Variants in EIF4E2 observed in about 807,000 individuals in gnomAD.
EIF4E2 encodes the protein eukaryotic translation initiation factor 4E family member 2.
Under a neutral mutation model 34.2 loss-of-function variants are expected in EIF4E2, and 13 were observed. That is an observed-to-expected ratio of 0.38 (90% CI 0.25 to 0.60). The LOEUF (loss-of-function observed/expected upper bound fraction) is 0.60, where lower values mean the gene tolerates loss of function less well. Among genes scored for constraint, EIF4E2 ranks in the 20% least tolerant of loss-of-function variants. The pLI, the probability that EIF4E2 is intolerant of heterozygous loss-of-function variation, is 0.62. For missense variants in EIF4E2, 222 were observed against 315.1 expected (o/e 0.70, Z 2.24); for synonymous variants, 100 against 106.6 (o/e 0.94, Z 0.38).
chr2:232,564,882 T>C lies in EIF4E2; in HGVS notation c.375+531T>C, dbSNP rs561892832. On this transcript the variant is annotated intron_variant, in intron 4 of 6. Transcript: ENST00000258416. ...TTGGTGCTGGGTGTTTTTTAAAGAC[T>C]GTTTTATGACTAAAATGGTATTAGA... 2.6e-5 allele frequency among the ~76,000 whole-genome samples: 4 copies of C among 152,254 alleles called. No individual in the cohort carries two copies. In the South Asian group the frequency reaches 6.2e-4, roughly 24 times the overall value.
At chr2:232,573,775 A>G (rs918374077), downstream of EIF4E2, 4 of 288,486 alleles carry the variant, frequency 1.4e-5, no homozygotes, top group African/African-American at 2.2e-5. Flanking sequence ...GAAAACAGAG[A>G]AAGTGTATAC....
chr2:232,555,133 G>A (rs3791723), intron 1 of EIF4E2, among the ~76,000 whole-genome samples: 5,074 of 152,240 alleles, frequency 0.033, 160 homozygotes, highest in African/African-American at 0.074. Context: ...AGGCACTGGG[G>A]ATTCGTGGGC....
intron 1 of EIF4E2, among the ~76,000 whole-genome samples, chr2:232,554,584 A>G (rs968459561): frequency 2.0e-5 from 3 of 152,170 alleles, no homozygotes; most frequent in African/African-American, 7.2e-5. Flanking sequence ...AGGAAACCAA[A>G]TGTTTAATAA....
intron 6 of EIF4E2, among the ~76,000 whole-genome samples, chr2:232,579,975 A>G (rs1270449125): frequency 6.6e-6 from 1 of 152,080 alleles, no homozygotes; most frequent in Non-Finnish European, 1.5e-5. Context: ...CTAGGATGTC[A>G]TTAGATTTCT....
At chr2:232,568,861 C>G (rs1047866496) in intron 6 of EIF4E2, 84 bp from the exon 7 acceptor site, 30 of 1,587,148 alleles carry the variant, frequency 1.9e-5, no homozygotes, top group Non-Finnish European at 2.5e-5. Context: ...GAAGACCAAC[C>G]CTCTTTGAGA....
chr2:232,561,300 C>T (rs1183838690), intron 3 of EIF4E2, among the ~76,000 whole-genome samples: 1 of 149,664 alleles, frequency 6.7e-6, no homozygotes, highest in Non-Finnish European at 1.5e-5. Context: ...ATTATGCATA[C>T]TTCTTGCATT....
chr2:232,573,106 T>C (rs1270156967), downstream of EIF4E2, among the ~76,000 whole-genome samples: 1 of 152,236 alleles, frequency 6.6e-6, no homozygotes, highest in Non-Finnish European at 1.5e-5. Context: ...ACAGGTGTCT[T>C]GCTGTGGACA....
intron 6 of EIF4E2, among the ~76,000 whole-genome samples, chr2:232,575,774 G>A (rs1693197214): frequency 6.6e-6 from 1 of 152,300 alleles, no homozygotes; most frequent in African/African-American, 2.4e-5. Flanking sequence ...AAGATATTAA[G>A]TTAAATTTTC....
chr2:232,551,061 G>T (rs918843757), intron 1 of EIF4E2: 1 of 629,556 alleles, frequency 1.6e-6, no homozygotes, highest in Non-Finnish European at 3.0e-6. Context: ...GTGGAGGGGT[G>T]GGGACCTCGG....
chr2:232,554,244 A>G (rs1305729213), intron 1 of EIF4E2, among the ~76,000 whole-genome samples: 2 of 152,238 alleles, frequency 1.3e-5, no homozygotes, highest in Non-Finnish European at 2.9e-5. Context: ...TGAGTCCTGT[A>G]GGACAAGTTA....
rs778125062 is a variant in EIF4E2 at position 232,567,191 on chromosome 2, C to T, written c.642C>T (p.Tyr214=). The change falls in exon 6 of 7, where the codon TAC becomes TAT. Residue 214 remains tyrosine (Y), a synonymous_variant. Transcript: ENST00000258416. ...TACCTCCCAACACCATTATGGAATA[C>T]AAAACTCACACCGACAGCATCAAGT... ...LNLPPNTIME[Y]KTHTDSIKMP... 37 of 1,614,064 alleles carry T rather than the reference C, an allele frequency of 2.3e-5. No individual in the cohort carries two copies. The highest frequency in any genetic ancestry group is 3.1e-5 in the Non-Finnish European group (37 of 1,180,054).
intron 2 of EIF4E2, 89 bp from the exon 3 acceptor site, chr2:232,557,795 G>A: frequency 7.1e-7 from 1 of 1,414,426 alleles, no homozygotes; most frequent in Non-Finnish European, 9.7e-7. Flanking sequence ...TAATTGTGGA[G>A]GTGGTAAGGA....
At position 232,581,544 on chromosome 2, in the gene EIF4E2, G is replaced by A. The variant is rs932406995; in HGVS notation, c.*601G>A. The A allele has an allele frequency of 2.2e-5, 4 of 181,848 alleles. No individual in the cohort carries two copies. Among genetic ancestry groups the A allele is most frequent in the African/African-American group, 9.7e-5 (4 of 41,316 alleles). The allele number at this position is 181,848 out of a possible 1,614,324, so 11.3% of individuals were successfully genotyped here. The stretch of plus-strand genomic sequence containing the variant: ...CTTATGCCCTCCGGTCTCCTCTCCT[G>A]TGGGACTCTCTCCTTCTTAGGCACA... On this transcript the variant is annotated 3_prime_UTR_variant, in exon 7 of 7. Transcript: ENST00000409098. The surrounding 1 kb of genome is among the most constrained non-coding windows in gnomAD (Gnocchi z 5.2).
chr2:232,570,683 G>A (rs1362524227), downstream of EIF4E2, among the ~76,000 whole-genome samples: 7 of 152,178 alleles, frequency 4.6e-5, no homozygotes, highest in Non-Finnish European at 1.0e-4. Context: ...GGTGGCTCAC[G>A]CCTGTAATCC....
At chr2:232,562,582 C>T (rs963463173) in intron 3 of EIF4E2, among the ~76,000 whole-genome samples, 7 of 152,174 alleles carry the variant, frequency 4.6e-5, no homozygotes, top group African/African-American at 1.7e-4. Flanking sequence ...AAGAGCGAAA[C>T]TCCATCTCAA....
At chr2:232,579,222 T>C (rs138699673) in intron 6 of EIF4E2, among the ~76,000 whole-genome samples, 12 of 152,266 alleles carry the variant, frequency 7.9e-5, no homozygotes, top group African/African-American at 2.9e-4. Flanking sequence ...TATCCTTTGC[T>C]AGCTACTTGT....
At chr2:232,570,710 C>T (rs928814859), downstream of EIF4E2, among the ~76,000 whole-genome samples, 4 of 152,132 alleles carry the variant, frequency 2.6e-5, no homozygotes, top group African/African-American at 7.2e-5. Flanking sequence ...TTTGGGAGCT[C>T]GAGGTGGGCA....
At chr2:232,564,167 T>C in intron 3 of EIF4E2, 80 bp from the exon 4 acceptor site, 1 of 921,592 alleles carries the variant, frequency 1.1e-6, no homozygotes, top group Non-Finnish European at 1.7e-6. Context: ...CTTATGTTCT[T>C]AACTAAATCT....
At chr2:232,571,665 G>A (rs1553585880), downstream of EIF4E2, among the ~76,000 whole-genome samples, 1 of 152,206 alleles carries the variant, frequency 6.6e-6, no homozygotes, top group Non-Finnish European at 1.5e-5. Flanking sequence ...TCTCAGAGAA[G>A]AGACAGGTCA....
Sources: allele counts gnomAD v4.1 joint callset (sites outside exome capture counted in the v4.1 genomes callset), GRCh38; gene constraint gnomAD v4.1.1; non-coding constraint Gnocchi (gnomAD v3.1); transcripts MANE v1.5; gene names NCBI Gene and HGNC (gene_info 2026-07-23, HGNC 2026-07-21).